The following GRID2 variants were observed in gnomAD, a reference collection of about 807,000 sequenced individuals.
GRID2 encodes the protein glutamate receptor ionotropic, delta-2.
In GRID2, 33 loss-of-function variants were observed where a neutral mutation model predicts 114.8. That is an observed-to-expected ratio of 0.29 (90% CI 0.22 to 0.38). The LOEUF (loss-of-function observed/expected upper bound fraction) is 0.38, where lower values mean the gene tolerates loss of function less well. Among genes scored for constraint, GRID2 ranks in the 10% least tolerant of loss-of-function variants. The pLI, the probability that GRID2 is intolerant of heterozygous loss-of-function variation, is 1.00. For synonymous variants in GRID2, 505 were observed against 449.9 expected, an observed-to-expected ratio of 1.12 and a Z score of -1.55; for missense variants, 1,184 against 1,257.7, an observed-to-expected ratio of 0.94 and a Z score of 0.89.
intron 2 of GRID2, among the ~76,000 whole-genome samples, chr4:93,009,196 CTA>C (rs1296565839): frequency 1.3e-5 from 2 of 152,116 alleles, no homozygotes; most frequent in African/African-American, 4.8e-5. Context: ...ATGATCCTCT[CTA>C]TACTTTCCCT....
intron 2 of GRID2, among the ~76,000 whole-genome samples, chr4:92,985,372 C>G (rs891212227): frequency 6.6e-6 from 1 of 151,828 alleles, no homozygotes; most frequent in African/African-American, 2.4e-5. Context: ...TCAGCTGCGA[C>G]TACAGGCGCC....
chr4:92,810,272 C>A (rs1740607143), intron 2 of GRID2, among the ~76,000 whole-genome samples: 1 of 150,776 alleles, frequency 6.6e-6, no homozygotes. Flanking sequence ...TTTCACGGAA[C>A]CTATCCTTAA....
chr4:92,805,728 T>G (rs1280488358), intron 2 of GRID2, among the ~76,000 whole-genome samples: 2 of 151,974 alleles, frequency 1.3e-5, no homozygotes, highest in East Asian at 3.9e-4. Context: ...AGCCAAGAAG[T>G]TGAAGGCAGT....
At chr4:92,590,017 T>A (rs923204416) in intron 1 of GRID2, 114 bp from the exon 2 acceptor site, 49 of 674,614 alleles carry the variant, frequency 7.3e-5, no homozygotes, top group Non-Finnish European at 1.2e-4. Context: ...ATAAAGTGCA[T>A]GCTCTAAGTG....
chr4:92,686,775 G>T (rs1024967480), intron 2 of GRID2, among the ~76,000 whole-genome samples: 1 of 151,686 alleles, frequency 6.6e-6, no homozygotes, highest in East Asian at 1.9e-4. Flanking sequence ...TATTTCTAAG[G>T]GATACTAATT....
chr4:92,920,798 A>G (rs1749253913), intron 2 of GRID2, among the ~76,000 whole-genome samples: 1 of 152,000 alleles, frequency 6.6e-6, no homozygotes. Flanking sequence ...CTTCATTTTA[A>G]TTTTGGTGAA....
intron 11 of GRID2, among the ~76,000 whole-genome samples, chr4:93,485,681 G>A (rs189664623): frequency 1.5e-3 from 229 of 151,836 alleles, no homozygotes; most frequent in African/African-American, 5.4e-3. Context: ...TATAAATCAA[G>A]TGCCTATGTA....
intron 4 of GRID2, among the ~76,000 whole-genome samples, chr4:93,135,625 A>T (rs767043479): frequency 6.6e-6 from 1 of 152,184 alleles, no homozygotes; most frequent in African/African-American, 2.4e-5. Flanking sequence ...GTTTTCATCA[A>T]TATGAGCAGA....
At chr4:93,679,375 A>T (rs1157448560) in intron 14 of GRID2, among the ~76,000 whole-genome samples, 1 of 150,928 alleles carries the variant, frequency 6.6e-6, no homozygotes, top group African/African-American at 2.5e-5. Context: ...TCAACGAGAC[A>T]GAAAGTTAAC....
intron 14 of GRID2, among the ~76,000 whole-genome samples, chr4:93,687,427 G>C (rs148261021): frequency 3.5e-4 from 53 of 152,082 alleles, no homozygotes; most frequent in Non-Finnish European, 7.2e-4. Context: ...TGTAGGAGTT[G>C]TCAGCAGAAG....
intron 8 of GRID2, among the ~76,000 whole-genome samples, chr4:93,285,090 A>C (rs1753008507): frequency 6.6e-6 from 1 of 152,086 alleles, no homozygotes; most frequent in South Asian, 2.1e-4. Flanking sequence ...ATCACAGGCA[A>C]AGTGTTATAA....
intron 1 of GRID2, among the ~76,000 whole-genome samples, chr4:92,509,976 T>G (rs961272832): frequency 1.3e-5 from 2 of 151,082 alleles, no homozygotes; most frequent in Admixed American, 6.6e-5. Flanking sequence ...ACAACTAGAG[T>G]TTTTCAGCAG....
At chr4:93,620,219 T>G (rs1357774850) in intron 13 of GRID2, among the ~76,000 whole-genome samples, 3 of 152,200 alleles carry the variant, frequency 2.0e-5, no homozygotes, top group African/African-American at 7.2e-5. Context: ...GAGGGAGGAT[T>G]TTCTTTAGCA....
At chr4:93,289,745 G>A (rs1177672978) in intron 8 of GRID2, among the ~76,000 whole-genome samples, 1 of 152,052 alleles carries the variant, frequency 6.6e-6, no homozygotes, top group Non-Finnish European at 1.5e-5. Flanking sequence ...TCTTCTGTGT[G>A]CCCCACAGTT....
chr4:92,562,985 T>G (rs1000845916), intron 1 of GRID2, among the ~76,000 whole-genome samples: 1 of 152,156 alleles, frequency 6.6e-6, no homozygotes, highest in African/African-American at 2.4e-5. Flanking sequence ...CTATTTATAG[T>G]TCTAAATTAC....
chr4:92,443,472 G>T (rs1197631838), intron 1 of GRID2, among the ~76,000 whole-genome samples: 1 of 151,794 alleles, frequency 6.6e-6, no homozygotes, highest in Non-Finnish European at 1.5e-5. Flanking sequence ...AGAAAAGAGA[G>T]AGTAGAGAAA....
At chr4:93,022,386 G>A (rs1017564976) in intron 2 of GRID2, among the ~76,000 whole-genome samples, 6 of 151,366 alleles carry the variant, frequency 4.0e-5, no homozygotes, top group Admixed American at 1.3e-4. Flanking sequence ...ATTCTAATTC[G>A]TTGTGTGGAA....
chr4:93,490,843 G>A, intron 12 of GRID2, 66 bp downstream of exon 12: 1 of 1,096,776 alleles, frequency 9.1e-7, no homozygotes, highest in Non-Finnish European at 1.4e-6. Flanking sequence ...AAAGCTATCT[G>A]AGAATAAGTA....
chr4:93,532,426 C>T (rs529246181), intron 13 of GRID2, among the ~76,000 whole-genome samples: 1 of 152,242 alleles, frequency 6.6e-6, no homozygotes, highest in African/African-American at 2.4e-5. Flanking sequence ...CTTGAGCACC[C>T]CATCTGCTCA....
Sources: gnomAD v4.1 joint callset for allele counts (sites outside exome capture counted in the v4.1 genomes callset) on GRCh38, gnomAD v4.1.1 for gene constraint, MANE v1.5 for transcripts, NCBI Gene and HGNC (gene_info 2026-07-23, HGNC 2026-07-21) for gene names.